Variants in GPC6 observed in about 807,000 individuals in gnomAD.
GPC6 encodes glypican 6.
Under a neutral mutation model 55.2 loss-of-function variants are expected in GPC6, and 14 were observed. The observed-to-expected ratio is 0.25, with a 90% CI of 0.17 to 0.40. GPC6 has a LOEUF of 0.40. Among genes scored for constraint, GPC6 ranks in the 10% least tolerant of loss-of-function variants. The pLI is 1.00. For missense variants in GPC6, 641 were observed against 708.5 expected (o/e 0.90, Z 1.08); for synonymous variants, 278 against 259.6 (o/e 1.07, Z -0.68).
At chr13:93,908,790 C>G (rs1876809323) in intron 3 of GPC6, among the ~76,000 whole-genome samples, 3 of 152,162 alleles carry the variant, frequency 2.0e-5, no homozygotes. Flanking sequence ...TCAACCTTTT[C>G]CTGCCTTGCC....
chr13:93,773,732 A>G (rs938911241), intron 2 of GPC6, among the ~76,000 whole-genome samples: 3 of 151,904 alleles, frequency 2.0e-5, no homozygotes, highest in Non-Finnish European at 2.9e-5. Flanking sequence ...AACCGTTACC[A>G]CTCCTGCCTC....
chr13:93,501,465 C>A (rs1880517969), intron 1 of GPC6, among the ~76,000 whole-genome samples: 1 of 152,158 alleles, frequency 6.6e-6, no homozygotes, highest in Non-Finnish European at 1.5e-5. Flanking sequence ...TCTATGAAAT[C>A]TTCCCTAAAT....
At chr13:94,176,471 C>G (rs1398158758) in intron 4 of GPC6, among the ~76,000 whole-genome samples, 1 of 152,166 alleles carries the variant, frequency 6.6e-6, no homozygotes, top group Non-Finnish European at 1.5e-5. Context: ...CAAAGCCTTT[C>G]CTAACTCATT....
At chr13:93,834,595 T>TGCATGTATGTGCAA (rs1160583878) in intron 3 of GPC6, among the ~76,000 whole-genome samples, 1 of 152,096 alleles carries the variant, frequency 6.6e-6, no homozygotes, top group Non-Finnish European at 1.5e-5. Flanking sequence ...TGTGTGTGCA[T>TGCATGTATGTGCAA]GCATGTATGT....
chr13:93,666,926 A>G (rs57653728), intron 2 of GPC6, among the ~76,000 whole-genome samples: 6,332 of 152,256 alleles, frequency 0.042, 439 homozygotes, highest in African/African-American at 0.14. Context: ...TTCTTTTAAT[A>G]ATTTATAATA....
chr13:93,707,863 A>G lies in GPC6; in HGVS notation c.320-122291A>G, dbSNP rs1384019919. Among the ~76,000 whole-genome samples, 3 of 151,930 alleles carry G rather than the reference A, an allele frequency of 2.0e-5. No individual in the cohort carries two copies. The East Asian group carries it at 5.9e-4, about 30-fold the overall frequency. ...TTATTCCACATGTTCTGGCAATCAC[A>G]CTTTTGCCACCTTCGGCATAATTCT... On this transcript the variant is annotated intron_variant, in intron 2 of 8. Coordinates refer to ENST00000377047, the MANE Select transcript of GPC6 (RefSeq NM_005708.5).
intron 4 of GPC6, among the ~76,000 whole-genome samples, chr13:94,100,308 C>T (rs1209722319): frequency 6.6e-6 from 1 of 152,092 alleles, no homozygotes; most frequent in Non-Finnish European, 1.5e-5. Context: ...ATCAAAGTAG[C>T]TGTATGAAAT....
At chr13:93,367,615 A>G (rs922338391) in intron 1 of GPC6, among the ~76,000 whole-genome samples, 2 of 151,678 alleles carry the variant, frequency 1.3e-5, no homozygotes, top group East Asian at 1.9e-4. Flanking sequence ...CAAATTTTTG[A>G]TATGTTCTAT....
intron 4 of GPC6, among the ~76,000 whole-genome samples, chr13:94,088,514 C>T (rs1050751230): frequency 2.2e-5 from 3 of 139,026 alleles, no homozygotes; most frequent in African/African-American, 8.0e-5. Context: ...CTTAGCAAGA[C>T]CCTGTCTCTA....
chr13:93,541,808 G>T (rs1882315697), intron 1 of GPC6, among the ~76,000 whole-genome samples: 1 of 149,984 alleles, frequency 6.7e-6, no homozygotes, highest in African/African-American at 2.5e-5. Flanking sequence ...TGTGTTTTTT[G>T]GCTGCATAAA....
At chr13:94,271,223 C>G (rs1332524027) in intron 4 of GPC6, among the ~76,000 whole-genome samples, 1 of 151,594 alleles carries the variant, frequency 6.6e-6, no homozygotes, top group Non-Finnish European at 1.5e-5. Context: ...GATCTCCTGA[C>G]CTCGTGATCC....
At chr13:93,426,179 T>C (rs1877118969) in intron 1 of GPC6, among the ~76,000 whole-genome samples, 1 of 152,234 alleles carries the variant, frequency 6.6e-6, no homozygotes, top group Non-Finnish European at 1.5e-5. Flanking sequence ...ACTGTTTAGA[T>C]GATACTTCCT....
chr13:93,602,716 T>G (rs183759748), intron 2 of GPC6, among the ~76,000 whole-genome samples: 1 of 152,358 alleles, frequency 6.6e-6, no homozygotes, highest in East Asian at 1.9e-4. Context: ...ATGGCATACT[T>G]CTTTCATTAT....
chr13:93,884,474 C>CA (rs1392248975), intron 3 of GPC6, among the ~76,000 whole-genome samples: 4 of 151,780 alleles, frequency 2.6e-5, no homozygotes, highest in Admixed American at 2.0e-4. Flanking sequence ...TCGTTCTTCA[C>CA]AAAAAAAGCA....
At chr13:93,572,206 T>C (rs1204992101) in intron 2 of GPC6, among the ~76,000 whole-genome samples, 1 of 152,200 alleles carries the variant, frequency 6.6e-6, no homozygotes, top group East Asian at 1.9e-4. Context: ...AGCAGTCTTC[T>C]GTGTGCTACT....
intron 2 of GPC6, among the ~76,000 whole-genome samples, chr13:93,663,155 C>T (rs1380052678): frequency 1.3e-5 from 2 of 148,152 alleles, no homozygotes; most frequent in East Asian, 4.0e-4. Flanking sequence ...CAGTACAGAA[C>T]AGAAAGCTAG....
chr13:94,061,151 G>A (rs560600216), intron 4 of GPC6, among the ~76,000 whole-genome samples: 1 of 152,170 alleles, frequency 6.6e-6, no homozygotes, highest in Non-Finnish European at 1.5e-5. Context: ...TAAAATAAAT[G>A]TAATTGTTTT....
intron 4 of GPC6, among the ~76,000 whole-genome samples, chr13:94,082,368 C>G (rs1192396569): frequency 6.6e-6 from 1 of 152,166 alleles, no homozygotes; most frequent in African/African-American, 2.4e-5. Flanking sequence ...CCTGAAAATA[C>G]TGTGCGCTCA....
chr13:93,378,895 T>A (rs1015022400), intron 1 of GPC6, among the ~76,000 whole-genome samples: 2 of 150,666 alleles, frequency 1.3e-5, no homozygotes, highest in Admixed American at 1.3e-4. Context: ...CTCCAGAGCC[T>A]GAGGCAGGAG....
Sources: allele counts gnomAD v4.1 joint callset (sites outside exome capture counted in the v4.1 genomes callset), GRCh38; gene constraint gnomAD v4.1.1; transcripts MANE v1.5; gene names NCBI Gene and HGNC (gene_info 2026-07-23, HGNC 2026-07-21).